RFX3: variants seen among roughly 807,000 people sequenced by gnomAD.
RFX3 encodes regulatory factor X3.
Under a neutral mutation model 98.6 loss-of-function variants are expected in RFX3, and 14 were observed. The ratio of observed to expected loss-of-function variants is 0.14; its 90% CI spans 0.09 to 0.22. The LOEUF is 0.22. Among genes scored for constraint, RFX3 ranks in the 10% least tolerant of loss-of-function variants. The probability of loss-of-function intolerance (pLI) is 1.00; values close to 1 mark genes in which losing one functional copy is unlikely to be tolerated. For synonymous variants in RFX3, 383 were observed against 328.4 expected (o/e 1.17, Z -1.80); for missense variants, 639 against 926.9 (o/e 0.69, Z 4.03).
In RFX3 at chr9:3,222,784, G is replaced by C. The variant is rs1357283658; in HGVS notation, c.*2258C>G. 1 of 151,878 alleles carries C rather than the reference G, an allele frequency of 6.6e-6. No homozygotes were observed. Among genetic ancestry groups the C allele is most frequent in the African/African-American group, 2.4e-5 (1 of 41,376 alleles). The allele number at this position is 151,878 out of a possible 1,614,324, so 9.4% of individuals were successfully genotyped here. ...TTGGTACAAATCCATTGTCTTTTTG[G>C]GAGGAAAAAGGGGGACAGTAATTTA... On this transcript the variant is annotated 3_prime_UTR_variant, in exon 17 of 17. Coordinates refer to ENST00000617270, the MANE Select transcript of RFX3 (RefSeq NM_001282116.2).
chr9:3,233,804 A>T (rs569622801), intron 15 of RFX3, among the ~76,000 whole-genome samples: 1 of 150,312 alleles, frequency 6.7e-6, no homozygotes, highest in South Asian at 2.2e-4. Flanking sequence ...CAAAGAACCA[A>T]GATAAAGTAC....
chr9:3,226,549 C>T (rs1817796755), intron 16 of RFX3, among the ~76,000 whole-genome samples: 2 of 152,098 alleles, frequency 1.3e-5, no homozygotes, highest in Admixed American at 6.6e-5. Flanking sequence ...GCATTAGTGA[C>T]CAATAAAACA....
chr9:3,406,123 C>A (rs531765101), intron 1 of RFX3, among the ~76,000 whole-genome samples: 2 of 152,004 alleles, frequency 1.3e-5, no homozygotes, highest in Admixed American at 1.3e-4. Flanking sequence ...CGCCTGACAG[C>A]TAATTTTTTG....
rs369739820 is a variant in RFX3 at position 3,474,106 on chromosome 9, C to G, written c.-9+51641G>C. Among the ~76,000 whole-genome samples the G allele has an allele frequency of 1.2e-3, 176 of 152,226 alleles. 6 individuals are homozygous for G. In the South Asian group the frequency reaches 0.035, roughly 30 times the overall value. ...GCTGGGAACCACACTTTGAGAACCA[C>G]TGCTCTGCAAGTGTCTCAATTTTTT... On this transcript the variant is annotated intron_variant, in intron 1 of 16. Transcript: ENST00000617270.
Position 3,493,700 on chromosome 9 carries a change from A to AAT in RFX3, c.-9+32045_-9+32046dup, listed in dbSNP as rs1288255611. Among the ~76,000 whole-genome samples the AAT allele has an allele frequency of 8.6e-3, 613 of 71,686 alleles. 10 individuals carry two copies. The highest frequency in any genetic ancestry group is 0.026 in the Middle Eastern group (4 of 156). The allele number at this position is 71,686 out of a possible 152,430, so 47.0% of individuals were successfully genotyped here. A position where few individuals can be genotyped will look rare whatever the true frequency, so the allele number is the denominator to read the frequency against. ...CTCATCTCAAAAAAAAAAAAAAAAAAATATATATATATATATATATATATA... is the reference window on the plus strand; with the variant it reads ...CTCATCTCAAAAAAAAAAAAAAAAAAATATATATATATATATATATATATATA... On this transcript the variant is annotated intron_variant, in intron 1 of 16. Coordinates refer to ENST00000617270, the MANE Select transcript of RFX3 (RefSeq NM_001282116.2).
intron 1 of RFX3, among the ~76,000 whole-genome samples, chr9:3,441,371 G>C (rs912193725): frequency 4.6e-5 from 7 of 152,054 alleles, no homozygotes; most frequent in African/African-American, 1.7e-4. Context: ...TCCTGGTTCT[G>C]TCTGCCAAGC....
chr9:3,242,580 T>TATTG (rs1820104231), intron 15 of RFX3, among the ~76,000 whole-genome samples: 1 of 152,208 alleles, frequency 6.6e-6, no homozygotes, highest in Non-Finnish European at 1.5e-5. Context: ...TAAGCACCAA[T>TATTG]ATTTGTTTAC....
chr9:3,342,251 T>C lies in RFX3; in HGVS notation c.215+4416A>G, dbSNP rs1587187187. 2.0e-5 allele frequency among the ~76,000 whole-genome samples: 3 copies of C among 152,194 alleles called. 1 individual carries two copies. Among genetic ancestry groups the C allele is most frequent in the East Asian group, 3.8e-4 (2 of 5,200 alleles). ...TATTCTCTGGTTCTATGCATTTCTA[T>C]AGGACTTTTCAGAGCTTTTAAAAGG... On this transcript the variant is annotated intron_variant, in intron 3 of 16. Transcript: ENST00000617270.
At chr9:3,236,419 C>G (rs1484129484) in intron 15 of RFX3, among the ~76,000 whole-genome samples, 3 of 152,160 alleles carry the variant, frequency 2.0e-5, no homozygotes, top group Admixed American at 6.6e-5. Context: ...CAGTCCTAAG[C>G]TCCATATCCA....
chr9:3,365,344 G>A (rs1001922520), intron 2 of RFX3, among the ~76,000 whole-genome samples: 2 of 146,610 alleles, frequency 1.4e-5, no homozygotes, highest in Non-Finnish European at 3.0e-5. Flanking sequence ...CTTGGATAAA[G>A]CAAAAAATCA....
chr9:3,219,464 A>C lies in RFX3; in HGVS notation c.*5578T>G, dbSNP rs900550201. Reference sequence around the variant, plus strand: ...CATAATTTATTTAAAAAAAAAAAACAAAGGAAAGAGGGGAGAAAAAGAATC... The same window carrying C: ...CATAATTTATTTAAAAAAAAAAAACCAAGGAAAGAGGGGAGAAAAAGAATC... On this transcript the variant is annotated 3_prime_UTR_variant, in exon 17 of 17. Coordinates refer to ENST00000617270, the MANE Select transcript of RFX3 (RefSeq NM_001282116.2). The C allele has an allele frequency of 6.6e-6, 1 of 151,210 alleles. No homozygotes were observed. Among genetic ancestry groups the C allele is most frequent in the African/African-American group, 2.4e-5 (1 of 41,096 alleles). 9.4% of individuals were successfully genotyped at this position (151,210 alleles called of 1,614,324 possible). A position where few individuals can be genotyped will look rare whatever the true frequency, so the allele number is the denominator to read the frequency against.
intron 5 of RFX3, among the ~76,000 whole-genome samples, chr9:3,300,581 G>A (rs558541925): frequency 1.1e-4 from 16 of 151,706 alleles, no homozygotes; most frequent in African/African-American, 3.6e-4. Flanking sequence ...ATCCAATATC[G>A]AGCTTTTCAG....
chr9:3,278,583 A>C (rs1217930234), intron 7 of RFX3, among the ~76,000 whole-genome samples: 1 of 151,860 alleles, frequency 6.6e-6, no homozygotes, highest in African/African-American at 2.4e-5. Flanking sequence ...TAATATGTGA[A>C]CAGGACATAC....
intron 4 of RFX3, among the ~76,000 whole-genome samples, chr9:3,312,686 C>T (rs1378635082): frequency 6.6e-6 from 1 of 152,084 alleles, no homozygotes; most frequent in Non-Finnish European, 1.5e-5. Flanking sequence ...TCTGCATTTC[C>T]AACTGAGCAA....
At chr9:3,396,041 TTTC>T (rs1371265556) in intron 1 of RFX3, among the ~76,000 whole-genome samples, 1 of 152,024 alleles carries the variant, frequency 6.6e-6, no homozygotes, top group East Asian at 1.9e-4. Flanking sequence ...GAGTAAATCA[TTTC>T]TTTTTTTTTT....
At chr9:3,491,256 G>C (rs958732026) in intron 1 of RFX3, among the ~76,000 whole-genome samples, 2 of 152,002 alleles carry the variant, frequency 1.3e-5, no homozygotes, top group African/African-American at 4.8e-5. Flanking sequence ...ACAATCACAG[G>C]TGTTTGCTGT....
chr9:3,384,307 G>C (rs1173186923), intron 2 of RFX3, among the ~76,000 whole-genome samples: 1 of 152,136 alleles, frequency 6.6e-6, no homozygotes. Context: ...TTGAAAAAAA[G>C]AATCATTTGC....
chr9:3,321,298 G>A (rs964896222), intron 4 of RFX3, among the ~76,000 whole-genome samples: 10 of 151,984 alleles, frequency 6.6e-5, no homozygotes, highest in Admixed American at 5.9e-4. Context: ...GTAAATTCCC[G>A]GAAGCACACT....
At chr9:3,289,625 G>C (rs960997959) in intron 6 of RFX3, among the ~76,000 whole-genome samples, 15 of 152,058 alleles carry the variant, frequency 9.9e-5, no homozygotes, top group African/African-American at 3.6e-4. Flanking sequence ...CAAATAGATG[G>C]AGTGCTGAGT....
Sources: gnomAD v4.1 joint callset for allele counts (sites outside exome capture counted in the v4.1 genomes callset) on GRCh38, gnomAD v4.1.1 for gene constraint, MANE v1.5 for transcripts, NCBI Gene and HGNC (gene_info 2026-07-23, HGNC 2026-07-21) for gene names.